LRRIQ1: variants seen among roughly 807,000 people sequenced by gnomAD.
LRRIQ1 encodes leucine-rich repeat- and IQ domain-containing protein 1.
LRRIQ1 carries 210 observed loss-of-function variants against 211.9 expected under a neutral mutation model. The ratio of observed to expected loss-of-function variants is 0.99; its 90% confidence interval spans 0.89 to 1.11. The LOEUF (loss-of-function observed/expected upper bound fraction) is 1.11. Ranked by LOEUF, LRRIQ1 falls within the 50% of genes most tolerant of loss-of-function variation. The probability of loss-of-function intolerance (pLI) is 0.00; values close to 1 mark genes in which losing one functional copy is unlikely to be tolerated. For missense variants in LRRIQ1, 2,136 were observed against 1,939.5 expected, an observed-to-expected ratio of 1.10 and a Z score of -1.90; for synonymous variants, 699 against 650.1, an observed-to-expected ratio of 1.08 and a Z score of -1.14.
chr12:85,262,240 C>T (rs1593037036), intron 1 of LRRIQ1, among the ~76,000 whole-genome samples: 1 of 151,844 alleles, frequency 6.6e-6, no homozygotes, highest in Non-Finnish European at 1.5e-5. Flanking sequence ...ATTTTATGGC[C>T]CCTGTGTACA....
chr12:85,107,149 A>G (rs957668252), intron 15 of LRRIQ1, among the ~76,000 whole-genome samples: 1 of 152,086 alleles, frequency 6.6e-6, no homozygotes, highest in Non-Finnish European at 1.5e-5. Context: ...TGTAGAAAAA[A>G]GTTTTCTCAT....
chr12:85,192,459 A>C (rs1409054167), intron 24 of LRRIQ1, among the ~76,000 whole-genome samples: 2 of 120,880 alleles, frequency 1.7e-5, no homozygotes, highest in Non-Finnish European at 3.3e-5. Flanking sequence ...TAGTTATATA[A>C]TATAATTATA....
In LRRIQ1 at chr12:85,098,397, A is replaced by G. The variant is rs1371386818; in HGVS notation, c.2930A>G (p.Asp977Gly). The change falls in exon 12 of 27, where the codon GAC becomes GGC. Residue 977 changes from aspartate (D) to glycine (G), a missense_variant. Transcript: ENST00000393217. ...SLKNLQQLIL[D>G]HNQLINTKGL... ...AAAAATCTTCAACAACTAATTTTGG[A>G]CCACAATCAGTTAATTAATACAAAA... 3 of 1,609,444 alleles carry G rather than the reference A, an allele frequency of 1.9e-6. No homozygotes were observed. The highest frequency in any genetic ancestry group is 2.5e-6 in the Non-Finnish European group (3 of 1,177,914).
At position 85,056,237 on chromosome 12, in the gene LRRIQ1, G is replaced by GA. The variant is rs757605885; in HGVS notation, c.1451dup (p.Asn484LysfsTer2). 1.3e-6 allele frequency: 2 copies of GA among 1,568,328 alleles called. No individual in the cohort carries two copies. Among genetic ancestry groups the GA allele is most frequent in the Non-Finnish European group, 1.7e-6 (2 of 1,167,266 alleles). The stretch of plus-strand genomic sequence containing the variant: ...AATTCTGGCAGATTTTAAAATGGAA[G>GA]AAAAAAATGAAAACCTAGCAAAAAA... On this transcript the variant is annotated frameshift_variant, in exon 8 of 27. Transcript: ENST00000393217. LOFTEE classifies it high-confidence loss of function.
intron 19 of LRRIQ1, among the ~76,000 whole-genome samples, chr12:85,146,078 A>T (rs2136623120): frequency 6.6e-6 from 1 of 151,804 alleles, no homozygotes; most frequent in East Asian, 1.9e-4. Context: ...TTTTCTCCTT[A>T]ATTTTTAAAT....
rs1183971733 is a variant in LRRIQ1 at position 85,262,033 on chromosome 12, G to T, written c.122-882G>T. 2.6e-5 allele frequency among the ~76,000 whole-genome samples: 4 copies of T among 151,966 alleles called. No individual in the cohort carries two copies. In the East Asian group the frequency reaches 7.7e-4, roughly 29 times the overall value. Reference sequence around the variant, plus strand: ...TCGAACTCCTGACCTCAAGTGATCCGCCAGCCTTGGTCTCCCAGTGCTGGG... The same window carrying T: ...TCGAACTCCTGACCTCAAGTGATCCTCCAGCCTTGGTCTCCCAGTGCTGGG... On this transcript the variant is annotated intron_variant, in intron 1 of 1. Coordinates refer to the LRRIQ1 transcript ENST00000602731.
chr12:85,089,829 G>A (rs1176037130), intron 11 of LRRIQ1, among the ~76,000 whole-genome samples: 2 of 152,138 alleles, frequency 1.3e-5, no homozygotes, highest in Non-Finnish European at 2.9e-5. Flanking sequence ...AGCTTTTTTG[G>A]GGGGAGTAAT....
intron 16 of LRRIQ1, among the ~76,000 whole-genome samples, chr12:85,122,310 T>C (rs1249375688): frequency 2.0e-5 from 3 of 152,062 alleles, no homozygotes; most frequent in Non-Finnish European, 4.4e-5. Flanking sequence ...ATTAAAATAG[T>C]GTACATATAC....
chr12:85,079,730 A>G (rs1479567856), intron 11 of LRRIQ1, among the ~76,000 whole-genome samples: 1 of 152,018 alleles, frequency 6.6e-6, no homozygotes, highest in East Asian at 1.9e-4. Context: ...AGATTAAACC[A>G]TCTTACTATT....
At chr12:85,077,005 T>C (rs1229177861) in intron 11 of LRRIQ1, among the ~76,000 whole-genome samples, 1 of 152,186 alleles carries the variant, frequency 6.6e-6, no homozygotes, top group African/African-American at 2.4e-5. Context: ...ACTCTTTCTA[T>C]ACAACATGTA....
At chr12:85,058,198 G>C (rs1021218108) in intron 8 of LRRIQ1, among the ~76,000 whole-genome samples, 1 of 151,836 alleles carries the variant, frequency 6.6e-6, no homozygotes, top group Non-Finnish European at 1.5e-5. Context: ...AGATATTTCT[G>C]GTATATGAAA....
intron 4 of LRRIQ1, 115 bp from the exon 5 acceptor site, chr12:85,045,905 G>A (rs1262965014): frequency 3.7e-5 from 18 of 493,126 alleles, no homozygotes; most frequent in Non-Finnish European, 5.7e-5. Context: ...AGAGATATCT[G>A]GAGTACATTA....
At chr12:85,194,869 T>C (rs564989090) in intron 24 of LRRIQ1, among the ~76,000 whole-genome samples, 29 of 152,090 alleles carry the variant, frequency 1.9e-4, no homozygotes, top group Admixed American at 9.2e-4. Flanking sequence ...CTTCAAAAAA[T>C]TAATGAATCC....
At chr12:85,091,757 C>G (rs2136232489) in intron 11 of LRRIQ1, among the ~76,000 whole-genome samples, 1 of 152,242 alleles carries the variant, frequency 6.6e-6, no homozygotes, top group Non-Finnish European at 1.5e-5. Flanking sequence ...ATAGGGAGCC[C>G]TTTCCACATT....
intron 16 of LRRIQ1, 32 bp from the exon 17 acceptor site, chr12:85,124,038 T>C (rs762583932): frequency 6.0e-6 from 9 of 1,503,302 alleles, no homozygotes; most frequent in Non-Finnish European, 7.3e-6. Flanking sequence ...GGTACTATTC[T>C]TATTAAATGT....
chr12:85,095,125 C>T (rs1885759265), intron 11 of LRRIQ1, among the ~76,000 whole-genome samples: 1 of 152,128 alleles, frequency 6.6e-6, no homozygotes, highest in South Asian at 2.1e-4. Flanking sequence ...TGCCTGATTG[C>T]TCTGACTAGA....
chr12:85,192,848 T>G (rs1437434739), intron 24 of LRRIQ1, among the ~76,000 whole-genome samples: 3 of 103,242 alleles, frequency 2.9e-5, no homozygotes, highest in African/African-American at 4.0e-5. Context: ...TAATTATATA[T>G]AAATATATAT....
intron 7 of LRRIQ1, among the ~76,000 whole-genome samples, chr12:85,052,619 GAT>G (rs1880469522): frequency 6.6e-6 from 1 of 151,866 alleles, no homozygotes; most frequent in Non-Finnish European, 1.5e-5. Flanking sequence ...TACATATACT[GAT>G]GTTTTAGTTT....
chr12:85,165,764 C>T lies in LRRIQ1; in HGVS notation c.4822+5050C>T, dbSNP rs189495264. Among the ~76,000 whole-genome samples the T allele has an allele frequency of 2.0e-3, 299 of 152,172 alleles. 2 individuals are homozygous for T. Among genetic ancestry groups the T allele is most frequent in the Non-Finnish European group, 3.3e-3 (222 of 67,992 alleles). ...GATTACAGGCATGAGCCACCGCGCC[C>T]GGCTGATTTGATGCATTTTAATGGC... On this transcript the variant is annotated intron_variant, in intron 24 of 26. Coordinates refer to ENST00000393217, the MANE Select transcript of LRRIQ1 (RefSeq NM_001079910.2).
Sources: gnomAD v4.1 joint callset for allele counts (sites outside exome capture counted in the v4.1 genomes callset) on GRCh38, gnomAD v4.1.1 for gene constraint, MANE v1.5 for transcripts, NCBI Gene and HGNC (gene_info 2026-07-23, HGNC 2026-07-21) for gene names.